Variants in ARHGAP12 observed in about 807,000 individuals in gnomAD.
The protein encoded by ARHGAP12 is rho GTPase-activating protein 12.
In ARHGAP12, 64 loss-of-function variants were observed where a neutral mutation model predicts 108.6. The observed-to-expected ratio is 0.59, with a 90% CI of 0.48 to 0.73. The LOEUF is 0.73. Ranked by LOEUF, ARHGAP12 falls within the 30% of genes least tolerant of loss-of-function variation. The pLI, the probability that ARHGAP12 is intolerant of heterozygous loss-of-function variation, is 0.00. For missense variants in ARHGAP12, 940 were observed against 1,005.9 expected (o/e 0.93, Z 0.89); for synonymous variants, 312 against 337.2 (o/e 0.93, Z 0.82).
intron 4 of ARHGAP12, among the ~76,000 whole-genome samples, chr10:31,857,895 TGAAG>T (rs1313571766): frequency 6.6e-6 from 1 of 152,178 alleles, no homozygotes; most frequent in Non-Finnish European, 1.5e-5. Context: ...CAGATCCTCA[TGAAG>T]GAATTTAAAA....
rs546321480 is a variant in ARHGAP12 at position 31,917,852 on chromosome 10, G to A, written c.-110-7289C>T. On this transcript the variant is annotated intron_variant, in intron 1 of 19. Transcript: ENST00000344936. ...AAGAGTCATGGTGGGCAAAGAACCT[G>A]ACAGACATTTTTCAAAAGAAGATAC... is the stretch of plus-strand genomic sequence containing the variant. Among the ~76,000 whole-genome samples the A allele has an allele frequency of 1.8e-4, 28 of 152,256 alleles. No individual in the cohort carries two copies. The East Asian group carries it at 1.9e-3, about 10-fold the overall frequency.
intron 11 of ARHGAP12, among the ~76,000 whole-genome samples, chr10:31,822,018 A>C (rs1835435150): frequency 6.6e-6 from 1 of 152,216 alleles, no homozygotes; most frequent in Admixed American, 6.5e-5. Flanking sequence ...CTAAGATACA[A>C]ATAAGCAACC....
intron 6 of ARHGAP12, among the ~76,000 whole-genome samples, chr10:31,851,118 T>C (rs1030613503): frequency 1.5e-4 from 23 of 152,114 alleles, no homozygotes. Flanking sequence ...AATTAAAATA[T>C]AAAAATTATC....
chr10:31,921,795 G>C (rs1839826828), intron 1 of ARHGAP12, among the ~76,000 whole-genome samples: 1 of 134,760 alleles, frequency 7.4e-6, no homozygotes, highest in Admixed American at 7.5e-5. Context: ...AAAAAAGTTT[G>C]TAGAAGAAAA....
At chr10:31,848,246 T>C (rs953827690) in intron 6 of ARHGAP12, among the ~76,000 whole-genome samples, 1 of 152,350 alleles carries the variant, frequency 6.6e-6, no homozygotes, top group South Asian at 2.1e-4. Context: ...AGAGTAAGAA[T>C]GGATCCAGTG....
intron 3 of ARHGAP12, among the ~76,000 whole-genome samples, chr10:31,897,350 C>T (rs904909600): frequency 6.6e-6 from 1 of 152,118 alleles, no homozygotes. Context: ...AAATTCACAG[C>T]TCATGACGCA....
chr10:31,870,975 A>G (rs1000319552), intron 3 of ARHGAP12, among the ~76,000 whole-genome samples: 1 of 152,198 alleles, frequency 6.6e-6, no homozygotes, highest in South Asian at 2.1e-4. Flanking sequence ...TTGAGGAGCC[A>G]ATAGCCTAGG....
At chr10:31,841,055 A>C (rs1836244542) in intron 7 of ARHGAP12, among the ~76,000 whole-genome samples, 1 of 151,254 alleles carries the variant, frequency 6.6e-6, no homozygotes, top group Non-Finnish European at 1.5e-5. Flanking sequence ...ATAAAATGAT[A>C]ATTATATTTT....
chr10:31,831,754 T>A lies in ARHGAP12; in HGVS notation c.1433A>T (p.Asn478Ile), dbSNP rs1835842231. 2 of 1,579,338 alleles carry A rather than the reference T, an allele frequency of 1.3e-6. No homozygotes were observed. Among genetic ancestry groups the A allele is most frequent in the Non-Finnish European group, 1.7e-6 (2 of 1,151,282 alleles). Residue 478 changes from asparagine to isoleucine, a missense_variant, in exon 10 of 20, where the codon AAT becomes ATT. Asn to Ile is a moderately radical substitution (Grantham distance 149, BLOSUM62 -3). Transcript: ENST00000344936. ...GLLNVTKIAE[N>I]GKKVRKNWLS... is the part of the protein sequence containing the mutation. ...GTGTACTTACCGAACCTTTTTCCCA[T>A]TTTCAGCAATTTTTGTTACATTTAA...
chr10:31,821,498 T>G (rs1275681602), intron 11 of ARHGAP12, among the ~76,000 whole-genome samples: 3 of 152,154 alleles, frequency 2.0e-5, no homozygotes, highest in Non-Finnish European at 4.4e-5. Flanking sequence ...TTATAAATAT[T>G]TCCTACAGAG....
chr10:31,807,490 T>C lies in ARHGAP12; in HGVS notation c.*168A>G, dbSNP rs1834857213. On this transcript the variant is annotated 3_prime_UTR_variant, in exon 20 of 20. Transcript: ENST00000344936. The stretch of plus-strand genomic sequence containing the variant: ...TCAACTTGCAACAAAGCAGCAAATA[T>C]GAGGGCCTAACACACATCTCGACTC... 2.0e-6 allele frequency: 1 copy of C among 495,336 alleles called. No homozygotes were observed. Among genetic ancestry groups the C allele is most frequent in the Non-Finnish European group, 3.4e-6 (1 of 290,248 alleles). 30.7% of individuals were successfully genotyped at this position (495,336 alleles called of 1,614,324 possible).
intron 15 of ARHGAP12, among the ~76,000 whole-genome samples, chr10:31,810,988 C>T (rs1834995693): frequency 6.6e-6 from 1 of 152,172 alleles, no homozygotes; most frequent in African/African-American, 2.4e-5. Context: ...ACTGCTTTTG[C>T]AGAAAGCAAT....
At chr10:31,877,494 T>C (rs146152136) in intron 3 of ARHGAP12, among the ~76,000 whole-genome samples, 28 of 152,346 alleles carry the variant, frequency 1.8e-4, no homozygotes, top group Non-Finnish European at 3.4e-4. Flanking sequence ...TCTCACTTGA[T>C]TGTGTATAAA....
intron 3 of ARHGAP12, among the ~76,000 whole-genome samples, chr10:31,880,197 T>C (rs1837887303): frequency 6.6e-6 from 1 of 152,224 alleles, no homozygotes; most frequent in Admixed American, 6.5e-5. Context: ...TTTGTTCTTT[T>C]CGATCAGTGG....
At chr10:31,852,726 ATTCTTT>A in intron 5 of ARHGAP12, 129 bp from the exon 6 acceptor site, 1 of 519,278 alleles carries the variant, frequency 1.9e-6, no homozygotes, top group South Asian at 2.5e-5. Context: ...GCAACAAAAA[ATTCTTT>A]TTTTTTTTTT....
At chr10:31,849,189 A>G (rs1170184897) in intron 6 of ARHGAP12, among the ~76,000 whole-genome samples, 2 of 151,958 alleles carry the variant, frequency 1.3e-5, no homozygotes, top group Non-Finnish European at 2.9e-5. Flanking sequence ...CTTCATTTTG[A>G]GTGGGGAATG....
At chr10:31,880,162 A>AT (rs1413515637) in intron 3 of ARHGAP12, among the ~76,000 whole-genome samples, 10 of 152,354 alleles carry the variant, frequency 6.6e-5, no homozygotes, top group African/African-American at 1.7e-4. Flanking sequence ...AGTAAATTAG[A>AT]TGTCACAGTT....
chr10:31,835,202 GAA>G (rs952540519), intron 9 of ARHGAP12, among the ~76,000 whole-genome samples: 2 of 59,798 alleles, frequency 3.3e-5, no homozygotes, highest in Non-Finnish European at 3.8e-5. Context: ...CGTCTCAAAA[GAA>G]AAAAAAAAAA....
intron 6 of ARHGAP12, among the ~76,000 whole-genome samples, chr10:31,848,537 C>G (rs564684260): frequency 6.6e-6 from 1 of 152,242 alleles, no homozygotes; most frequent in African/African-American, 2.4e-5. Context: ...ACTCATCCTC[C>G]ATTTTTCTTA....
Sources: gnomAD v4.1 joint callset for allele counts (sites outside exome capture counted in the v4.1 genomes callset) on GRCh38, gnomAD v4.1.1 for gene constraint, MANE v1.5 for transcripts, NCBI Gene and HGNC (gene_info 2026-07-23, HGNC 2026-07-21) for gene names.